The following MTHFD2L variants were observed in gnomAD, a reference collection of about 807,000 sequenced individuals.
MTHFD2L encodes the protein methylenetetrahydrofolate dehydrogenase (NADP+ dependent) 2 like, also known as bifunctional methylenetetrahydrofolate dehydrogenase/cyclohydrolase 2, mitochondrial.
MTHFD2L carries 29 observed loss-of-function variants against 34.9 expected under a neutral mutation model. The observed-to-expected ratio is 0.83, with a 90% confidence interval of 0.62 to 1.13. The LOEUF is 1.13. MTHFD2L is among the 50% of genes most tolerant of loss of function. The pLI is 0.00. For synonymous variants in MTHFD2L, 167 were observed against 155.7 expected (o/e 1.07, Z -0.54); for missense variants, 481 against 446.5 (o/e 1.08, Z -0.70).
rs1157091894 is a variant in MTHFD2L at position 74,149,096 on chromosome 4, A to G, written c.-296-10959A>G. Among the ~76,000 whole-genome samples the G allele has an allele frequency of 1.3e-5, 2 of 151,782 alleles. 1 individual carries two copies. Among genetic ancestry groups the G allele is most frequent in the Non-Finnish European group, 2.9e-5 (2 of 67,844 alleles). ...GATAGTTCCAGGTCCTGCAAGGAAG[A>G]CTTTGCCATGATTCCAGCTCTCATT... On this transcript the variant is annotated intron_variant, in intron 1 of 7. Transcript: ENST00000433372.
intron 3 of MTHFD2L, among the ~76,000 whole-genome samples, chr4:74,193,474 C>T (rs1026293419): frequency 2.6e-5 from 4 of 152,130 alleles, no homozygotes; most frequent in Admixed American, 1.3e-4. Context: ...TAACAAAAAA[C>T]GACATAGGAT....
intron 1 of MTHFD2L, among the ~76,000 whole-genome samples, chr4:74,131,945 TA>T (rs1476286949): frequency 6.6e-6 from 1 of 152,106 alleles, no homozygotes; most frequent in Non-Finnish European, 1.5e-5. Context: ...AGACACTTCT[TA>T]AAAGAAGACA....
At chr4:74,121,259 C>T (rs1196843574), upstream of MTHFD2L, among the ~76,000 whole-genome samples, 1 of 152,136 alleles carries the variant, frequency 6.6e-6, no homozygotes, top group Non-Finnish European at 1.5e-5. Flanking sequence ...AGAGGATCAA[C>T]TGCTTGAGAT....
At chr4:74,238,622 A>G (rs931386173) in intron 6 of MTHFD2L, among the ~76,000 whole-genome samples, 1 of 152,228 alleles carries the variant, frequency 6.6e-6, no homozygotes, top group African/African-American at 2.4e-5. Context: ...CAGAATCTAC[A>G]AGAAACTTAA....
chr4:74,188,564 A>G (rs969316433), intron 3 of MTHFD2L, among the ~76,000 whole-genome samples: 3 of 152,066 alleles, frequency 2.0e-5, no homozygotes, highest in East Asian at 1.9e-4. Context: ...ATGTTTATAG[A>G]TAGTTGGAGC....
intron 3 of MTHFD2L, among the ~76,000 whole-genome samples, chr4:74,175,867 T>C (rs1372222088): frequency 1.3e-5 from 2 of 152,112 alleles, no homozygotes; most frequent in Non-Finnish European, 2.9e-5. Flanking sequence ...AGAAAGTGTA[T>C]GATATCTTTG....
intron 2 of MTHFD2L, among the ~76,000 whole-genome samples, chr4:74,116,733 C>T (rs1460858346): frequency 1.3e-5 from 2 of 152,288 alleles, no homozygotes; most frequent in East Asian, 3.9e-4. Context: ...AAAGAAGATG[C>T]TCTTGTATGG....
chr4:74,125,653 TA>T (rs1335821877), intron 1 of MTHFD2L: 1 of 152,148 alleles, frequency 6.6e-6, no homozygotes, highest in Non-Finnish European at 1.5e-5. Flanking sequence ...TGCTTCTATT[TA>T]AAAGCTTTTT....
chr4:74,125,815 A>C (rs1225247460), intron 1 of MTHFD2L, among the ~76,000 whole-genome samples: 2 of 152,192 alleles, frequency 1.3e-5, no homozygotes, highest in Non-Finnish European at 2.9e-5. Flanking sequence ...TGGTTTTAAA[A>C]ATTTTACTTG....
In MTHFD2L at chr4:74,175,829, A is replaced by G. The variant is rs1021344726; in HGVS notation, c.451+426A>G. On this transcript the variant is annotated intron_variant, in intron 3 of 7. Coordinates refer to ENST00000325278, the MANE Select transcript of MTHFD2L (RefSeq NM_001144978.3). ...AAACTAAGCTAATGTTTTTTAGTAC[A>G]CTCTAATTTAAAACATTAGAAACAT... is the stretch of plus-strand genomic sequence containing the variant. Among the ~76,000 whole-genome samples the G allele has an allele frequency of 3.3e-5, 5 of 152,074 alleles. No homozygotes were observed. The South Asian group carries it at 1.0e-3, about 31-fold the overall frequency.
chr4:74,117,083 G>T (rs751654525), intron 2 of MTHFD2L, among the ~76,000 whole-genome samples: 15 of 152,210 alleles, frequency 9.9e-5, no homozygotes, highest in Non-Finnish European at 1.8e-4. Flanking sequence ...CTCTGTGATG[G>T]AAATGCTTGG....
At position 74,130,551 on chromosome 4, in the gene MTHFD2L, A is replaced by G. The variant is rs185554976; in HGVS notation, c.-297+5034A>G. ...AAAATTCTGCACCCTTCCTGCTAAAAACTCTCAATACACTAGGTCTTGATG... is the reference window on the plus strand; with the variant it reads ...AAAATTCTGCACCCTTCCTGCTAAAGACTCTCAATACACTAGGTCTTGATG... On this transcript the variant is annotated intron_variant, in intron 1 of 7. Transcript: ENST00000433372. Among the ~76,000 whole-genome samples, 8 of 152,314 alleles carry G rather than the reference A, an allele frequency of 5.3e-5. No homozygotes were observed. The East Asian group carries it at 1.5e-3, about 29-fold the overall frequency.
chr4:74,179,002 A>C (rs939059678), intron 3 of MTHFD2L, among the ~76,000 whole-genome samples: 1 of 152,052 alleles, frequency 6.6e-6, no homozygotes, highest in African/African-American at 2.4e-5. Flanking sequence ...TGTGCTTACT[A>C]TGTGGCAGGC....
chr4:74,146,030 C>A (rs1018427660), intron 1 of MTHFD2L, among the ~76,000 whole-genome samples: 2 of 152,070 alleles, frequency 1.3e-5, no homozygotes, highest in African/African-American at 4.8e-5. Flanking sequence ...TGTACTAATA[C>A]ACAAACCCAT....
intron 1 of MTHFD2L, among the ~76,000 whole-genome samples, chr4:74,139,060 C>G (rs1275344348): frequency 1.3e-5 from 2 of 152,186 alleles, no homozygotes; most frequent in African/African-American, 4.8e-5. Context: ...GGAAATCCAG[C>G]TAGTCCTGTC....
At chr4:74,270,255 G>A (rs1745789720) in intron 6 of MTHFD2L, among the ~76,000 whole-genome samples, 1 of 151,690 alleles carries the variant, frequency 6.6e-6, no homozygotes, top group Non-Finnish European at 1.5e-5. Context: ...GTGCCATGTG[G>A]GTGTGCTGCA....
chr4:74,121,663 A>T (rs1229717225), upstream of MTHFD2L, among the ~76,000 whole-genome samples: 10 of 145,618 alleles, frequency 6.9e-5, no homozygotes, highest in East Asian at 1.6e-3. Flanking sequence ...TATATAATTA[A>T]ATATATATTT....
upstream of MTHFD2L, chr4:74,158,019 G>C (rs938028219): frequency 4.8e-6 from 7 of 1,443,466 alleles, no homozygotes; most frequent in Non-Finnish European, 6.6e-6. Context: ...GCCGGAACCT[G>C]GCTGGGAAGC....
intron 3 of MTHFD2L, among the ~76,000 whole-genome samples, chr4:74,178,059 AT>A (rs1729390897): frequency 4.2e-5 from 1 of 23,902 alleles, no homozygotes; most frequent in Admixed American, 3.6e-3. Context: ...TCATGGAAAC[AT>A]AGAGTTAATG....
Sources: gnomAD v4.1 joint callset for allele counts (sites outside exome capture counted in the v4.1 genomes callset) on GRCh38, gnomAD v4.1.1 for gene constraint, MANE v1.5 for transcripts, NCBI Gene and HGNC (gene_info 2026-07-23, HGNC 2026-07-21) for gene names.